Variants in FRMD4B observed in about 807,000 individuals in gnomAD.
FRMD4B encodes the protein FERM domain containing 4B, also known as FERM domain-containing protein 4B.
A neutral mutation model predicts 141.5 loss-of-function variants in FRMD4B; 74 were observed. The ratio of observed to expected loss-of-function variants is 0.52; its 90% CI spans 0.43 to 0.63. The LOEUF (loss-of-function observed/expected upper bound fraction) is 0.63. Among genes scored for constraint, FRMD4B ranks in the 30% least tolerant of loss-of-function variants. The pLI is 0.00. For missense variants in FRMD4B, 1,366 were observed against 1,253.4 expected (o/e 1.09, Z -1.36); for synonymous variants, 506 against 467.9 (o/e 1.08, Z -1.05).
chr3:69,346,636 G>A (rs1187206810), intron 1 of FRMD4B, among the ~76,000 whole-genome samples: 2 of 152,150 alleles, frequency 1.3e-5, no homozygotes, highest in Non-Finnish European at 2.9e-5. Flanking sequence ...GGATCTCTCG[G>A]CAGAAACTCT....
rs577275162 is a variant in FRMD4B, at chr3:69,215,284, CTTT to C, written c.876+976_876+978del. Among the ~76,000 whole-genome samples, 379 of 45,144 alleles carry C rather than the reference CTTT, an allele frequency of 8.4e-3. 8 individuals carry two copies. Among genetic ancestry groups the C allele is most frequent in the Admixed American group, 0.067 (150 of 2,242 alleles). 29.6% of individuals were successfully genotyped at this position (45,144 alleles called of 152,430 possible). ...TCCAAATCTGATAGATTGTGACCCT[CTTT>C]TTTTTTTTTTTTTTTTTTTTTTTGA... On this transcript the variant is annotated intron_variant, in intron 11 of 22. Coordinates refer to ENST00000398540, the MANE Select transcript of FRMD4B (RefSeq NM_015123.3).
chr3:69,480,631 C>G (rs1231510601), intron 1 of FRMD4B, among the ~76,000 whole-genome samples: 1 of 152,106 alleles, frequency 6.6e-6, no homozygotes, highest in Non-Finnish European at 1.5e-5. Context: ...GGAGGCGCCT[C>G]CCAGTTAGGC....
intron 1 of FRMD4B, among the ~76,000 whole-genome samples, chr3:69,339,216 T>G (rs1346274591): frequency 1.3e-5 from 2 of 152,150 alleles, no homozygotes; most frequent in African/African-American, 4.8e-5. Flanking sequence ...AAAATGAAAC[T>G]TAATGTTAAA....
intron 18 of FRMD4B, among the ~76,000 whole-genome samples, chr3:69,189,444 GT>G (rs1372236176): frequency 6.6e-6 from 1 of 151,924 alleles, no homozygotes; most frequent in Non-Finnish European, 1.5e-5. Flanking sequence ...ATTTCATATT[GT>G]GATGAATACA....
chr3:69,225,562 G>A (rs2093244524), intron 7 of FRMD4B, among the ~76,000 whole-genome samples: 2 of 148,952 alleles, frequency 1.3e-5, no homozygotes, highest in South Asian at 2.1e-4. Context: ...AGGTTTGGTG[G>A]TGGGTGCCTA....
At chr3:69,240,100 C>T (rs2093370870) in intron 7 of FRMD4B, among the ~76,000 whole-genome samples, 1 of 151,540 alleles carries the variant, frequency 6.6e-6, no homozygotes. Context: ...TTACTTAACA[C>T]TACCAAACTC....
intron 20 of FRMD4B, among the ~76,000 whole-genome samples, chr3:69,181,922 G>A (rs2092712485): frequency 6.6e-6 from 1 of 152,154 alleles, no homozygotes; most frequent in Admixed American, 6.5e-5. Context: ...TGAGAAAAGA[G>A]CTGGCTTCTG....
chr3:69,344,434 G>A (rs1318121407), intron 1 of FRMD4B, among the ~76,000 whole-genome samples: 2 of 152,186 alleles, frequency 1.3e-5, no homozygotes, highest in African/African-American at 2.4e-5. Flanking sequence ...TAATATATTT[G>A]GGTAATAGGG....
intron 19 of FRMD4B, among the ~76,000 whole-genome samples, 164 bp from the exon 20 acceptor site, chr3:69,182,881 C>T (rs1017259081): frequency 6.6e-6 from 1 of 151,964 alleles, no homozygotes; most frequent in Non-Finnish European, 1.5e-5. Context: ...AAAGAAAACC[C>T]GCTAAAACAG....
chr3:69,328,002 G>A (rs1702239109), intron 1 of FRMD4B, among the ~76,000 whole-genome samples: 1 of 152,142 alleles, frequency 6.6e-6, no homozygotes, highest in Non-Finnish European at 1.5e-5. Flanking sequence ...GGAAGCCACA[G>A]GTCAGGAGAA....
intron 1 of FRMD4B, among the ~76,000 whole-genome samples, chr3:69,470,258 A>G (rs1010690905): frequency 1.3e-5 from 2 of 152,170 alleles, no homozygotes; most frequent in African/African-American, 4.8e-5. Flanking sequence ...TGTTTTGCCA[A>G]AATGTGTATT....
intron 1 of FRMD4B, among the ~76,000 whole-genome samples, chr3:69,351,125 TC>T (rs1703133656): frequency 6.6e-6 from 1 of 152,200 alleles, no homozygotes; most frequent in South Asian, 2.1e-4. Flanking sequence ...TACCTTCCTT[TC>T]TTAGATTGCT....
Position 69,531,396 on chromosome 3 carries a change from C to CAA in FRMD4B, c.-129+10808_-129+10809dup, listed in dbSNP as rs149536550. Among the ~76,000 whole-genome samples the CAA allele has an allele frequency of 1.3e-3, 192 of 149,100 alleles. 1 individual carries two copies. Among genetic ancestry groups the CAA allele is most frequent in the African/African-American group, 4.4e-3 (180 of 40,706 alleles). On this transcript the variant is annotated intron_variant, in intron 1 of 5. Coordinates refer to the FRMD4B transcript ENST00000459638. ...TGTAGCCACATTTATATGTACCAAG[C>CAA]AAAAAAAAAGGAAAGAACCATGTGC...
intron 19 of FRMD4B, among the ~76,000 whole-genome samples, chr3:69,186,482 C>T (rs1422241042): frequency 1.3e-5 from 2 of 152,042 alleles, no homozygotes; most frequent in African/African-American, 2.4e-5. Flanking sequence ...GAGACTGAGG[C>T]GGGTGGATCA....
chr3:69,518,081 G>A (rs1023707459), intron 1 of FRMD4B, among the ~76,000 whole-genome samples: 22 of 152,140 alleles, frequency 1.4e-4, no homozygotes, highest in African/African-American at 3.9e-4. Context: ...TTTTTTAAGC[G>A]AACTTAGAAT....
intron 1 of FRMD4B, among the ~76,000 whole-genome samples, chr3:69,383,062 C>T (rs529417387): frequency 9.7e-6 from 1 of 103,352 alleles, no homozygotes; most frequent in African/African-American, 3.5e-5. Flanking sequence ...AAACTCCAGG[C>T]AGCGTGCTAA....
chr3:69,181,719 G>C lies in FRMD4B; in HGVS notation c.2040-9C>G, dbSNP rs762953594. The C allele has an allele frequency of 6.3e-7, 1 of 1,582,062 alleles. No individual in the cohort carries two copies. The highest frequency in any genetic ancestry group is 8.6e-7 in the Non-Finnish European group (1 of 1,159,138). ...GAGATGAAGATTCGGGTCTGAAAGAGGAGAAAGGCAAACTTCTCAACACCA... is the reference window on the plus strand; with the variant it reads ...GAGATGAAGATTCGGGTCTGAAAGACGAGAAAGGCAAACTTCTCAACACCA... On this transcript the variant is annotated splice_polypyrimidine_tract_variant and intron_variant, in intron 20 of 22. Transcript: ENST00000398540.
chr3:69,433,207 G>A (rs1388225364), intron 1 of FRMD4B: 1 of 152,164 alleles, frequency 6.6e-6, no homozygotes, highest in Non-Finnish European at 1.5e-5. Flanking sequence ...TTTAACAGAT[G>A]TCAGTGTGGC....
chr3:69,477,404 T>A (rs1403028289), intron 1 of FRMD4B, among the ~76,000 whole-genome samples: 7 of 149,870 alleles, frequency 4.7e-5, no homozygotes, highest in African/African-American at 1.8e-4. Context: ...CTGAGAGTTT[T>A]TAGCATGAAG....
Sources: gnomAD v4.1 joint callset for allele counts (sites outside exome capture counted in the v4.1 genomes callset) on GRCh38, gnomAD v4.1.1 for gene constraint, MANE v1.5 for transcripts, NCBI Gene and HGNC (gene_info 2026-07-23, HGNC 2026-07-21) for gene names.